DNAH11: variants seen among roughly 807,000 people sequenced by gnomAD.
The protein encoded by DNAH11 is axonemal beta dynein heavy chain 11.
DNAH11 carries 442 observed loss-of-function variants against 526.0 expected under a neutral mutation model. That is an observed-to-expected ratio of 0.84 (90% CI 0.78 to 0.91). The LOEUF (loss-of-function observed/expected upper bound fraction) is 0.91. Ranked by LOEUF, DNAH11 falls within the 40% of genes least tolerant of loss-of-function variation. The pLI, the probability that DNAH11 is intolerant of heterozygous loss-of-function variation, is 0.00. For synonymous variants in DNAH11, 2,461 were observed against 1,935.9 expected (o/e 1.27, Z -7.12); for missense variants, 6,989 against 5,448.7 (o/e 1.28, Z -8.90).
rs2128436266 is a variant in DNAH11 at position 21,570,104 on chromosome 7, G to A, written c.1230G>A (p.Arg410=). Residue 410 remains arginine (R), a synonymous_variant, in exon 7 of 82, where the codon AGG becomes AGA. Coordinates refer to ENST00000409508, the MANE Select transcript of DNAH11 (RefSeq NM_001277115.2). ...TAYLSPEDLL[R]GEIEESLEKV... is the part of the protein sequence containing the mutation. The stretch of plus-strand genomic sequence containing the variant: ...ACCTTTCACCTGAGGACCTTTTGAG[G>A]GGAGAAATAGAAGAGTCACTGGAAA... The A allele has an allele frequency of 1.2e-6, 2 of 1,611,828 alleles. No individual in the cohort carries two copies. Among genetic ancestry groups the A allele is most frequent in the Non-Finnish European group, 8.5e-7 (1 of 1,178,948 alleles).
chr7:21,658,306 T>C (rs995181058), intron 29 of DNAH11, among the ~76,000 whole-genome samples: 4 of 152,108 alleles, frequency 2.6e-5, no homozygotes. Flanking sequence ...CTTAAAACTG[T>C]GAACTATGAA....
intron 70 of DNAH11, among the ~76,000 whole-genome samples, chr7:21,864,989 C>T (rs1783218128): frequency 6.6e-6 from 1 of 152,108 alleles, no homozygotes; most frequent in African/African-American, 2.4e-5. Flanking sequence ...TTTAAATTTC[C>T]TTAAAAATTT....
chr7:21,848,103 C>A (rs1027229195), intron 66 of DNAH11, among the ~76,000 whole-genome samples: 10 of 146,808 alleles, frequency 6.8e-5, no homozygotes, highest in African/African-American at 2.6e-4. Context: ...GGAGGTAGAG[C>A]TTGCAGTGAG....
intron 37 of DNAH11, among the ~76,000 whole-genome samples, chr7:21,703,087 T>C (rs1285951649): frequency 6.6e-6 from 1 of 152,236 alleles, no homozygotes; most frequent in Admixed American, 6.5e-5. Flanking sequence ...GTAATCACTG[T>C]TTGATTTCCT....
rs150244494 is a variant in DNAH11 at position 21,600,460 on chromosome 7, CAAA to C, written c.3001-213_3001-211del. ...GTGACAAAACCCTGTCTCAAAAAAA[CAAA>C]AACAAAACACAAAAAACCACCAGAA... On this transcript the variant is annotated intron_variant, in intron 15 of 81. Coordinates refer to ENST00000409508, the MANE Select transcript of DNAH11 (RefSeq NM_001277115.2). 0.066 allele frequency among the ~76,000 whole-genome samples: 9,980 copies of C among 151,742 alleles called. 455 individuals carry two copies. Among genetic ancestry groups the C allele is most frequent in the African/African-American group, 0.13 (5,428 of 41,322 alleles).
chr7:21,648,549 A>G (rs139331061), intron 28 of DNAH11, among the ~76,000 whole-genome samples: 2 of 152,232 alleles, frequency 1.3e-5, no homozygotes, highest in Non-Finnish European at 2.9e-5. Flanking sequence ...ACCATCACAC[A>G]CATGAGAGAA....
chr7:21,676,915 G>C (rs1454656274), intron 30 of DNAH11, among the ~76,000 whole-genome samples: 2 of 152,106 alleles, frequency 1.3e-5, no homozygotes, highest in Non-Finnish European at 2.9e-5. Context: ...CATAGGTATG[G>C]GTTGTTATTG....
At chr7:21,595,844 G>A (rs1470338308) in intron 14 of DNAH11, among the ~76,000 whole-genome samples, 2 of 151,998 alleles carry the variant, frequency 1.3e-5, no homozygotes, top group Non-Finnish European at 2.9e-5. Context: ...ATCAAGGACT[G>A]TTGGCTGGAC....
chr7:21,711,426 C>G (rs1045484919), intron 41 of DNAH11, among the ~76,000 whole-genome samples: 2 of 152,148 alleles, frequency 1.3e-5, no homozygotes, highest in African/African-American at 4.8e-5. Flanking sequence ...TATTCAGGTC[C>G]TTTCATGTGA....
chr7:21,610,437 G>GA (rs1215057151), intron 20 of DNAH11, among the ~76,000 whole-genome samples: 1 of 151,900 alleles, frequency 6.6e-6, no homozygotes, highest in Non-Finnish European at 1.5e-5. Flanking sequence ...ATCATCTCTG[G>GA]AAAAAAGCAC....
intron 68 of DNAH11, among the ~76,000 whole-genome samples, chr7:21,861,226 A>G (rs1466761470): frequency 1.3e-5 from 2 of 152,246 alleles, no homozygotes; most frequent in Non-Finnish European, 2.9e-5. Context: ...CTGGCATCCT[A>G]GTGACACTGG....
rs909880186 is a variant in DNAH11 at position 21,594,006 on chromosome 7, T to TCACA, written c.2667+2437_2667+2440dup. Among the ~76,000 whole-genome samples, 525 of 149,038 alleles carry TCACA rather than the reference T, an allele frequency of 3.5e-3. 5 individuals are homozygous for TCACA. The highest frequency in any genetic ancestry group is 0.013 in the African/African-American group (508 of 40,488). On this transcript the variant is annotated intron_variant, in intron 14 of 81. Coordinates refer to ENST00000409508, the MANE Select transcript of DNAH11 (RefSeq NM_001277115.2). Reference sequence around the variant, plus strand: ...ACACACAGTCTCTTCCTCTCACATATCACACACACACTCACACACACTCTT... The same window carrying TCACA: ...ACACACAGTCTCTTCCTCTCACATATCACACACACACACACTCACACACACTCTT...
chr7:21,710,182 C>G lies in DNAH11; in HGVS notation c.6684-371C>G, dbSNP rs531155965. Among the ~76,000 whole-genome samples, 5 of 152,108 alleles carry G rather than the reference C, an allele frequency of 3.3e-5. 1 individual carries two copies. The highest frequency in any genetic ancestry group is 6.3e-3 in the Middle Eastern group (2 of 316). ...CAGGTGAAATAAACAAATATTTGATCTAAAATGGATACTGAACATATGTGT... is the reference window on the plus strand; with the variant it reads ...CAGGTGAAATAAACAAATATTTGATGTAAAATGGATACTGAACATATGTGT... On this transcript the variant is annotated intron_variant, in intron 40 of 81. Coordinates refer to ENST00000409508, the MANE Select transcript of DNAH11 (RefSeq NM_001277115.2).
At chr7:21,886,548 A>G (rs558577766) in intron 76 of DNAH11, among the ~76,000 whole-genome samples, 45 of 152,306 alleles carry the variant, frequency 3.0e-4, no homozygotes, top group Middle Eastern at 3.4e-3. Flanking sequence ...CTCCTCAGGA[A>G]AGGTCTGGGA....
Position 21,786,651 on chromosome 7 carries a change from C to G in DNAH11, c.9625C>G (p.Pro3209Ala). 6.2e-7 allele frequency: 1 copy of G among 1,613,362 alleles called. No individual in the cohort carries two copies. The highest frequency in any genetic ancestry group is 1.3e-5 in the African/African-American group (1 of 75,042). The change falls in exon 59 of 82, where the codon CCC becomes GCC. Residue 3209 changes from proline to alanine, a missense_variant. Physicochemically the swap from Pro to Ala is conservative, Grantham distance 27. Coordinates refer to ENST00000409508, the MANE Select transcript of DNAH11 (RefSeq NM_001277115.2). ...RVNLSELKAFPNPPIAVTNVT... is the reference protein window; with the variant it reads ...RVNLSELKAFANPPIAVTNVT... ...CAACCTCAGTGAGCTGAAAGCCTTT[C>G]CCAACCCTCCCATCGCAGTTACCAA... is the stretch of plus-strand genomic sequence containing the variant.
chr7:21,733,517 G>A (rs992106935), intron 45 of DNAH11, among the ~76,000 whole-genome samples: 4 of 151,114 alleles, frequency 2.6e-5, no homozygotes, highest in Admixed American at 2.6e-4. Flanking sequence ...GTATGATCTA[G>A]CTGGTTGAAG....
chr7:21,784,978 T>G (rs1271273821), intron 58 of DNAH11, among the ~76,000 whole-genome samples: 1 of 152,190 alleles, frequency 6.6e-6, no homozygotes. Flanking sequence ...ATACCTAGGT[T>G]TGGTCCCCAC....
chr7:21,621,317 G>C (rs1786043469), intron 25 of DNAH11, among the ~76,000 whole-genome samples: 1 of 152,212 alleles, frequency 6.6e-6, no homozygotes, highest in Admixed American at 6.5e-5. Context: ...CTCCGAAATT[G>C]TGGCAATAAT....
chr7:21,853,646 C>T (rs1782724167), intron 67 of DNAH11, among the ~76,000 whole-genome samples: 1 of 152,126 alleles, frequency 6.6e-6, no homozygotes. Flanking sequence ...ATGGGACCAG[C>T]AGTAGTCCTA....
Sources: gnomAD v4.1 joint callset for allele counts (sites outside exome capture counted in the v4.1 genomes callset) on GRCh38, gnomAD v4.1.1 for gene constraint, MANE v1.5 for transcripts, NCBI Gene and HGNC (gene_info 2026-07-23, HGNC 2026-07-21) for gene names.